Variants in LRRIQ1 observed in about 807,000 individuals in gnomAD.
The protein encoded by LRRIQ1 is leucine-rich repeat- and IQ domain-containing protein 1.
Under a neutral mutation model 211.9 loss-of-function variants are expected in LRRIQ1, and 210 were observed. The observed-to-expected ratio is 0.99, with a 90% CI of 0.89 to 1.11. The LOEUF (loss-of-function observed/expected upper bound fraction) is 1.11, where lower values mean the gene tolerates loss of function less well. Among genes scored for constraint, LRRIQ1 ranks in the 50% most tolerant of loss-of-function variants. The pLI, the probability that LRRIQ1 is intolerant of heterozygous loss-of-function variation, is 0.00. For missense variants in LRRIQ1, 2,136 were observed against 1,939.5 expected, an observed-to-expected ratio of 1.10 and a Z score of -1.90; for synonymous variants, 699 against 650.1, an observed-to-expected ratio of 1.08 and a Z score of -1.14.
Position 85,196,013 on chromosome 12 carries a change from G to A in LRRIQ1, c.4823-33504G>A, listed in dbSNP as rs12305443. Reference sequence around the variant, plus strand: ...CAAAATCAATGTACAAAAATCACAAGCATTCTTATACACCAATAACAGACA... The same window carrying A: ...CAAAATCAATGTACAAAAATCACAAACATTCTTATACACCAATAACAGACA... On this transcript the variant is annotated intron_variant, in intron 24 of 26. Transcript: ENST00000393217. Among the ~76,000 whole-genome samples the A allele has an allele frequency of 3.8e-3, 582 of 151,978 alleles. 6 individuals carry two copies. Among genetic ancestry groups the A allele is most frequent in the African/African-American group, 0.013 (544 of 41,468 alleles).
chr12:85,246,321 C>A (rs969253362), downstream of LRRIQ1, among the ~76,000 whole-genome samples: 9 of 150,854 alleles, frequency 6.0e-5, 1 homozygote, highest in Admixed American at 4.6e-4. Flanking sequence ...ATTTCAAAAT[C>A]TTTATTCCAT....
At chr12:85,165,726 C>T (rs1481829893) in intron 24 of LRRIQ1, among the ~76,000 whole-genome samples, 1 of 152,010 alleles carries the variant, frequency 6.6e-6, no homozygotes, top group Non-Finnish European at 1.5e-5. Flanking sequence ...GCCTTGGCCT[C>T]CCAAAGTGCT....
intron 1 of LRRIQ1, among the ~76,000 whole-genome samples, chr12:85,257,067 TATATAA>T (rs1896122870): frequency 1.7e-5 from 2 of 117,280 alleles, no homozygotes; most frequent in South Asian, 4.5e-4. Flanking sequence ...ATTATATAAT[TATATAA>T]ATATATATAA....
intron 24 of LRRIQ1, among the ~76,000 whole-genome samples, chr12:85,222,715 A>G (rs966771741): frequency 1.3e-5 from 2 of 152,156 alleles, no homozygotes; most frequent in African/African-American, 2.4e-5. Context: ...TGCTGAAAAT[A>G]TAGAAGAAAA....
intron 23 of LRRIQ1, among the ~76,000 whole-genome samples, chr12:85,156,243 T>C (rs1890537277): frequency 6.6e-6 from 1 of 151,910 alleles, no homozygotes; most frequent in East Asian, 1.9e-4. Context: ...ACATTTTATG[T>C]TTAAAACATG....
At chr12:85,268,108 A>G (rs141005661), downstream of LRRIQ1, among the ~76,000 whole-genome samples, 211 of 152,078 alleles carry the variant, frequency 1.4e-3, no homozygotes, top group African/African-American at 4.7e-3. Flanking sequence ...GACATACCAT[A>G]TTTAGGAAAT....
At chr12:85,104,554 TAC>T (rs1444459699) in intron 14 of LRRIQ1, among the ~76,000 whole-genome samples, 3 of 151,936 alleles carry the variant, frequency 2.0e-5, no homozygotes, top group Non-Finnish European at 4.4e-5. Context: ...GATCAAACAG[TAC>T]ATTCCTTTTT....
intron 19 of LRRIQ1, among the ~76,000 whole-genome samples, chr12:85,141,628 C>A (rs11116726): frequency 0.22 from 31,914 of 146,970 alleles, 4,122 homozygotes; most frequent in Admixed American, 0.3. Context: ...TCTTTCTAAC[C>A]ATTCTCATTC....
rs1188093142 is a variant in LRRIQ1 at position 85,066,857 on chromosome 12, T to G, written c.2654T>G (p.Ile885Ser). Residue 885 changes from isoleucine to serine, a missense_variant, in exon 10 of 27, where the codon ATT becomes AGT. By Grantham distance (142) the Ile-to-Ser change is moderately radical. Coordinates refer to ENST00000393217, the MANE Select transcript of LRRIQ1 (RefSeq NM_001079910.2). ...CATGGTTTGGATGGCTGTACTAATATTCAGTGTCTTGAACTTTCATATAAT... is the reference window on the plus strand; with the variant it reads ...CATGGTTTGGATGGCTGTACTAATAGTCAGTGTCTTGAACTTTCATATAAT... ...SLHGLDGCTN[I>S]QCLELSYNKI... The G allele has an allele frequency of 1.3e-6, 2 of 1,569,612 alleles. No individual in the cohort carries two copies. The highest frequency in any genetic ancestry group is 2.7e-5 in the African/African-American group (2 of 73,576).
At position 85,124,215 on chromosome 12, in the gene LRRIQ1, T is replaced by C. The variant is rs771864616; in HGVS notation, c.3703T>C (p.Leu1235=). ...KDESEAQKNH[L]APTNSDSTLQ... ...TGAATCAGAAGCCCAGAAAAATCAT[T>C]TGGCCCCTACAAACAGTGACAGCAC... Residue 1235 remains leucine (L), a synonymous_variant, in exon 17 of 27, where the codon TTG becomes CTG. Transcript: ENST00000393217. The C allele has an allele frequency of 1.1e-5, 17 of 1,613,884 alleles. No homozygotes were observed. Among genetic ancestry groups the C allele is most frequent in the Admixed American group, 3.3e-5 (2 of 59,972 alleles).
At chr12:85,094,305 T>C (rs1389906187) in intron 11 of LRRIQ1, among the ~76,000 whole-genome samples, 1 of 152,110 alleles carries the variant, frequency 6.6e-6, no homozygotes, top group Non-Finnish European at 1.5e-5. Flanking sequence ...TGATTCTACT[T>C]TGTGGTGAGT....
At chr12:85,126,219 T>A (rs1888362272) in intron 17 of LRRIQ1, among the ~76,000 whole-genome samples, 1 of 152,148 alleles carries the variant, frequency 6.6e-6, no homozygotes, top group African/African-American at 2.4e-5. Context: ...ATCTACCTTC[T>A]GTTTTTGTTT....
chr12:85,230,842 G>A lies in LRRIQ1; in HGVS notation c.4955+1193G>A, dbSNP rs1337107948. 7.3e-5 allele frequency among the ~76,000 whole-genome samples: 11 copies of A among 151,616 alleles called. No individual in the cohort carries two copies. The East Asian group carries it at 2.1e-3, about 29-fold the overall frequency. On this transcript the variant is annotated intron_variant, in intron 25 of 26. Transcript: ENST00000393217. ...AGGCGGGCGGATCACGAGGTCAGGA[G>A]ATCGAAACCATCCTGGCTAACACAG...
At chr12:85,113,431 A>C (rs886655713) in intron 15 of LRRIQ1, among the ~76,000 whole-genome samples, 4 of 152,144 alleles carry the variant, frequency 2.6e-5, no homozygotes, top group Non-Finnish European at 4.4e-5. Context: ...TTAAAAGGAT[A>C]TAATCTAAAA....
In LRRIQ1 at chr12:85,229,541, A is replaced by C. The variant is rs1221755018; in HGVS notation, c.4847A>C (p.Lys1616Thr). Residue 1616 changes from lysine (K) to threonine (T), a missense_variant, in exon 25 of 27, where the codon AAA (lysine) becomes ACA (threonine). By Grantham distance (78) the Lys-to-Thr change is moderately conservative. Transcript: ENST00000393217. ...GGTATAGAAGAAGACCCTATCCACA[A>C]AGATACCACTGCAAATGAAAAATTA... is the stretch of plus-strand genomic sequence containing the variant. ...FEGIEEDPIH[K>T]DTTANEKLER... 2 of 1,612,036 alleles carry C rather than the reference A, an allele frequency of 1.2e-6. No homozygotes were observed. The highest frequency in any genetic ancestry group is 1.7e-6 in the Non-Finnish European group (2 of 1,179,084).
At chr12:85,219,759 A>G (rs891690020) in intron 24 of LRRIQ1, among the ~76,000 whole-genome samples, 80 of 152,212 alleles carry the variant, frequency 5.3e-4, no homozygotes, top group African/African-American at 1.9e-3. Flanking sequence ...TTTCTGAGTG[A>G]TCAATTACAT....
intron 15 of LRRIQ1, among the ~76,000 whole-genome samples, chr12:85,111,487 A>G (rs1041896090): frequency 1.3e-5 from 2 of 152,074 alleles, no homozygotes; most frequent in African/African-American, 4.8e-5. Context: ...CCTACTTCAC[A>G]AGAGGCTAGA....
At chr12:85,160,149 G>C (rs1272474066) in intron 23 of LRRIQ1, among the ~76,000 whole-genome samples, 1 of 151,886 alleles carries the variant, frequency 6.6e-6, no homozygotes, top group Non-Finnish European at 1.5e-5. Flanking sequence ...TGTATAGTCT[G>C]CATTCACAAT....
chr12:85,171,628 T>G (rs781655024), intron 24 of LRRIQ1, among the ~76,000 whole-genome samples: 1 of 152,198 alleles, frequency 6.6e-6, no homozygotes, highest in Non-Finnish European at 1.5e-5. Context: ...ATTCATAGGT[T>G]GAAGCCTTGA....
Sources: gnomAD v4.1 joint callset for allele counts (sites outside exome capture counted in the v4.1 genomes callset) on GRCh38, gnomAD v4.1.1 for gene constraint, MANE v1.5 for transcripts, NCBI Gene and HGNC (gene_info 2026-07-23, HGNC 2026-07-21) for gene names.